Variants in CRB1 observed in about 807,000 individuals in gnomAD.
CRB1 encodes crumbs cell polarity complex component 1, also known as protein crumbs homolog 1.
A neutral mutation model predicts 120.0 loss-of-function variants in CRB1; 83 were observed. The observed-to-expected ratio is 0.69, with a 90% CI of 0.58 to 0.83. CRB1 has a LOEUF of 0.83. Ranked by LOEUF, CRB1 falls within the 40% of genes least tolerant of loss-of-function variation. The pLI is 0.00. For synonymous variants in CRB1, 625 were observed against 612.5 expected (o/e 1.02, Z -0.30); for missense variants, 1,699 against 1,687.6 (o/e 1.01, Z -0.12).
At chr1:197,357,193 T>A in intron 5 of CRB1, 180 bp downstream of exon 5, 1 of 692,424 alleles carries the variant, frequency 1.4e-6, no homozygotes, top group Non-Finnish European at 2.6e-6. Context: ...ATTCCTCAAA[T>A]CACGAGAGAA....
intron 1 of CRB1, among the ~76,000 whole-genome samples, chr1:197,303,730 A>T (rs1036180299): frequency 4.6e-5 from 7 of 152,224 alleles, no homozygotes; most frequent in African/African-American, 1.7e-4. Context: ...AAGCCACTTT[A>T]GATTTCACAT....
In CRB1 at chr1:197,476,341, T is replaced by C. The variant is rs1274452941; in HGVS notation, c.4006-1323T>C. Among the ~76,000 whole-genome samples, 4 of 151,276 alleles carry C rather than the reference T, an allele frequency of 2.6e-5. No homozygotes were observed. In the East Asian group the frequency reaches 7.8e-4, roughly 30 times the overall value. Reference sequence around the variant, plus strand: ...ATTCATCACATGGTCATAACACCTATCTGTAATGTATTATGATTATTTGTG... The same window carrying C: ...ATTCATCACATGGTCATAACACCTACCTGTAATGTATTATGATTATTTGTG... On this transcript the variant is annotated intron_variant, in intron 11 of 11. Transcript: ENST00000367400.
intron 2 of CRB1, among the ~76,000 whole-genome samples, chr1:197,342,558 G>A (rs965882111): frequency 6.6e-6 from 1 of 151,922 alleles, no homozygotes; most frequent in Non-Finnish European, 1.5e-5. Flanking sequence ...TACATTAATT[G>A]TTGATTTTTT....
the CRB1 span, among the ~76,000 whole-genome samples, chr1:197,252,290 A>G: frequency 6.6e-6 from 1 of 151,276 alleles, no homozygotes; most frequent in Non-Finnish European, 1.5e-5. Flanking sequence ...CCATTTAAAA[A>G]CATAAAAACC....
chr1:197,401,946 T>C (rs977871797), intron 5 of CRB1, among the ~76,000 whole-genome samples: 4 of 151,962 alleles, frequency 2.6e-5, no homozygotes, highest in Non-Finnish European at 5.9e-5. Context: ...TGTTTATTTT[T>C]ATGTCTTTTA....
chr1:197,304,519 C>A, intron 1 of CRB1: 1 of 307,850 alleles, frequency 3.2e-6, no homozygotes, highest in Non-Finnish European at 4.8e-6. Context: ...GTGGTAGATA[C>A]TATGGGTTGA....
intron 5 of CRB1, among the ~76,000 whole-genome samples, chr1:197,378,678 C>T (rs2125395873): frequency 6.6e-6 from 1 of 152,128 alleles, no homozygotes; most frequent in South Asian, 2.1e-4. Context: ...AGATAATCTA[C>T]TGCTGAAGCT....
intron 5 of CRB1, among the ~76,000 whole-genome samples, chr1:197,378,375 T>C (rs1661759810): frequency 1.3e-5 from 2 of 152,226 alleles, no homozygotes; most frequent in East Asian, 1.9e-4. Context: ...GGTGGCTATA[T>C]TGATATCTTA....
chr1:197,214,806 A>T, the CRB1 span, among the ~76,000 whole-genome samples: 1 of 152,130 alleles, frequency 6.6e-6, no homozygotes, highest in Non-Finnish European at 1.5e-5. Context: ...GAAGAGAAAG[A>T]AATACCTCCA....
chr1:197,447,904 A>G (rs532619123), intron 11 of CRB1, among the ~76,000 whole-genome samples: 2 of 151,238 alleles, frequency 1.3e-5, no homozygotes, highest in East Asian at 3.9e-4. Flanking sequence ...CTCTCACAGT[A>G]TCTTTTTTTA....
At chr1:197,380,639 C>T (rs1270631692) in intron 5 of CRB1, among the ~76,000 whole-genome samples, 1 of 152,140 alleles carries the variant, frequency 6.6e-6, no homozygotes, top group Non-Finnish European at 1.5e-5. Flanking sequence ...GACACAAGCA[C>T]CAAGCTGGGC....
chr1:197,432,710 C>T (rs559631895), intron 8 of CRB1, among the ~76,000 whole-genome samples: 4 of 152,014 alleles, frequency 2.6e-5, no homozygotes, highest in Admixed American at 6.6e-5. Flanking sequence ...AACAAATAAA[C>T]GTAATTTTAA....
the CRB1 span, among the ~76,000 whole-genome samples, chr1:197,225,456 C>G: frequency 6.6e-6 from 1 of 152,304 alleles, no homozygotes; most frequent in East Asian, 1.9e-4. Context: ...TCTTTCCATC[C>G]CTCTCAGTAA....
In CRB1 at chr1:197,328,900, C is replaced by T. The variant is rs756544059; in HGVS notation, c.549C>T (p.Cys183=). Residue 183 remains cysteine (C), a synonymous_variant, in exon 2 of 12, where the codon TGC becomes TGT. Transcript: ENST00000367400. ...TCCCAGGATATCAAGGCAGACACTG[C>T]GACTTGGAAGTGGATGAATGTGCTT... The part of the protein sequence containing the change: ...FCVPGYQGRH[C]DLEVDECASD... 1.1e-5 allele frequency: 17 copies of T among 1,614,142 alleles called. No individual in the cohort carries two copies. Among genetic ancestry groups the T allele is most frequent in the African/African-American group, 1.3e-5 (1 of 75,040 alleles).
chr1:197,405,264 G>A (rs1408845944), intron 5 of CRB1, among the ~76,000 whole-genome samples: 1 of 152,170 alleles, frequency 6.6e-6, no homozygotes, highest in Non-Finnish European at 1.5e-5. Context: ...TTTTGGTGGA[G>A]ACGGGGTTTC....
At chr1:197,444,739 T>C (rs1417591719) in intron 11 of CRB1, 1 of 152,218 alleles carries the variant, frequency 6.6e-6, no homozygotes, top group African/African-American at 2.4e-5. Flanking sequence ...CTTTTCTTTT[T>C]ATTCTTCTGT....
At chr1:197,233,257 G>A in the CRB1 span, among the ~76,000 whole-genome samples, 1 of 152,172 alleles carries the variant, frequency 6.6e-6, no homozygotes, top group African/African-American at 2.4e-5. Flanking sequence ...ACAAAACTGA[G>A]ATAGTTCCTG....
intron 1 of CRB1, among the ~76,000 whole-genome samples, chr1:197,280,559 A>G (rs960455402): frequency 1.3e-5 from 2 of 151,938 alleles, no homozygotes; most frequent in African/African-American, 4.8e-5. Flanking sequence ...AAAAATCCAG[A>G]TATCATACCA....
intron 1 of CRB1, among the ~76,000 whole-genome samples, chr1:197,278,668 A>G (rs1049494586): frequency 6.6e-6 from 1 of 151,956 alleles, no homozygotes; most frequent in Non-Finnish European, 1.5e-5. Flanking sequence ...ATTCAGGCAT[A>G]AAATATTTGG....
Sources: allele counts gnomAD v4.1 joint callset (sites outside exome capture counted in the v4.1 genomes callset), GRCh38; gene constraint gnomAD v4.1.1; transcripts MANE v1.5; gene names NCBI Gene and HGNC (gene_info 2026-07-23, HGNC 2026-07-21).